The following CCDC43 variants were observed in gnomAD, a reference collection of about 807,000 sequenced individuals.
The protein encoded by CCDC43 is coiled-coil domain containing 43.
CCDC43 carries 20 observed loss-of-function variants against 33.3 expected under a neutral mutation model. That is an observed-to-expected ratio of 0.60 (90% CI 0.42 to 0.87). The LOEUF (loss-of-function observed/expected upper bound fraction) is 0.87, where lower values mean the gene tolerates loss of function less well. CCDC43 is among the 40% of genes least tolerant of loss of function. CCDC43 has a pLI of 0.00. For missense variants in CCDC43, 248 were observed against 269.9 expected (o/e 0.92, Z 0.57); for synonymous variants, 104 against 106.5 (o/e 0.98, Z 0.14).
intron 4 of CCDC43, 22 bp downstream of exon 4, chr17:44,680,563 A>G: frequency 8.9e-6 from 14 of 1,580,434 alleles, no homozygotes; most frequent in Non-Finnish European, 1.2e-5. Flanking sequence ...AGAAACACAT[A>G]GGGAGGGACC....
At chr17:44,683,172 T>A (rs754121108) in intron 2 of CCDC43, among the ~76,000 whole-genome samples, 1 of 152,196 alleles carries the variant, frequency 6.6e-6, no homozygotes, top group Non-Finnish European at 1.5e-5. Flanking sequence ...TTCTCTTCCA[T>A]TTTAAAGGGT....
intron 1 of CCDC43, among the ~76,000 whole-genome samples, chr17:44,686,562 C>T (rs1453595056): frequency 6.6e-6 from 1 of 152,230 alleles, no homozygotes; most frequent in Non-Finnish European, 1.5e-5. Context: ...TTTATTTCCT[C>T]AGTCTCCTCA....
intron 1 of CCDC43, chr17:44,687,702 C>CA (rs1972260843): frequency 6.6e-6 from 1 of 152,056 alleles, no homozygotes; most frequent in South Asian, 2.1e-4. Flanking sequence ...CAAGAAGTCT[C>CA]AAAGTTATTT....
Position 44,678,978 on chromosome 17 carries a change from G to A in CCDC43, c.553C>T (p.Arg185Trp), listed in dbSNP as rs772097897. 20 of 1,613,302 alleles carry A rather than the reference G, an allele frequency of 1.2e-5. No homozygotes were observed. The highest frequency in any genetic ancestry group is 5.5e-5 in the South Asian group (5 of 91,060). The change falls in exon 5 of 5, where the codon CGG becomes TGG. Residue 185 changes from arginine to tryptophan, a missense_variant. Physicochemically the swap from Arg to Trp is moderately radical, Grantham distance 101. Transcript: ENST00000315286. ...NARKLERDSL[R>W]DESQRKKEQD... ...TCCTTCTTCCTTTGGGATTCATCCC[G>A]AAGTGAGTCTCGCTCCAGTTTTCGG...
chr17:44,679,382 T>C (rs1159970508), intron 4 of CCDC43, among the ~76,000 whole-genome samples: 1 of 152,212 alleles, frequency 6.6e-6, no homozygotes, highest in Non-Finnish European at 1.5e-5. Context: ...TATCATTCAA[T>C]GGCAGAATAT....
In CCDC43 at chr17:44,677,683, AT is replaced by A. The variant is rs575405540; in HGVS notation, c.*1172del. ...ATATTTTAGATTTCACAGACCACAT[AT>A]TTTTTTCTTTTATAACTCTTTAAAA... On this transcript the variant is annotated 3_prime_UTR_variant, in exon 5 of 5. Coordinates refer to ENST00000315286, the MANE Select transcript of CCDC43 (RefSeq NM_144609.3). 1 of 152,098 alleles carries A rather than the reference AT, an allele frequency of 6.6e-6. No individual in the cohort carries two copies. The highest frequency in any genetic ancestry group is 6.6e-5 in the Admixed American group (1 of 15,260). The allele number at this position is 152,098 out of a possible 1,614,324, so 9.4% of individuals were successfully genotyped here.
chr17:44,687,051 G>A (rs1972246559), intron 1 of CCDC43, among the ~76,000 whole-genome samples: 1 of 152,150 alleles, frequency 6.6e-6, no homozygotes, highest in African/African-American at 2.4e-5. Flanking sequence ...CACTTTGGGA[G>A]GCCAAGGCAG....
Position 44,678,134 on chromosome 17 carries a change from T to A in CCDC43, c.*722A>T, listed in dbSNP as rs1403384146. The A allele has an allele frequency of 6.6e-6, 1 of 152,536 alleles. No homozygotes were observed. The highest frequency in any genetic ancestry group is 1.9e-4 in the East Asian group (1 of 5,198). The allele number at this position is 152,536 out of a possible 1,614,324, so 9.4% of individuals were successfully genotyped here. A position where few individuals can be genotyped will look rare whatever the true frequency, so the allele number is the denominator to read the frequency against. On this transcript the variant is annotated 3_prime_UTR_variant, in exon 5 of 5. Coordinates refer to ENST00000315286, the MANE Select transcript of CCDC43 (RefSeq NM_144609.3). ...TTTTATGGAAAAATCAGGATTAAAA[T>A]CTCTACCAGCACACAAGAGGATACA...
chr17:44,683,663 G>A (rs757211288), intron 2 of CCDC43, among the ~76,000 whole-genome samples: 1 of 152,106 alleles, frequency 6.6e-6, no homozygotes, highest in Non-Finnish European at 1.5e-5. Context: ...GAAGAAAACT[G>A]TGGTCAGTCG....
chr17:44,688,357 T>G (rs1972272690), intron 1 of CCDC43: 1 of 152,196 alleles, frequency 6.6e-6, no homozygotes, highest in Non-Finnish European at 1.5e-5. Context: ...CTTGCTATGT[T>G]GCCCAGTGTG....
At position 44,683,860 on chromosome 17, in the gene CCDC43, C is replaced by T; in HGVS notation, c.292+12G>A. On this transcript the variant is annotated intron_variant, in intron 2 of 4. Transcript: ENST00000315286. ...AGGCTCAGGAAGTTAAACACAGAAA[C>T]TCTGACTCTACCTTCTTTTTTCACT... is the stretch of plus-strand genomic sequence containing the variant. 6.3e-7 allele frequency: 1 copy of T among 1,592,898 alleles called. No individual in the cohort carries two copies. The highest frequency in any genetic ancestry group is 8.6e-7 in the Non-Finnish European group (1 of 1,160,832).
At chr17:44,685,324 T>C (rs1972218635) in intron 1 of CCDC43, among the ~76,000 whole-genome samples, 1 of 152,150 alleles carries the variant, frequency 6.6e-6, no homozygotes. Context: ...CTAGATCATA[T>C]CCATTAGCTT....
At chr17:44,682,725 G>A (rs1406707811) in intron 2 of CCDC43, among the ~76,000 whole-genome samples, 3 of 151,972 alleles carry the variant, frequency 2.0e-5, no homozygotes, top group Admixed American at 6.6e-5. Context: ...GCGTGGTGAC[G>A]GGCGCCTGTA....
At chr17:44,680,260 C>A (rs1324427591) in intron 4 of CCDC43, among the ~76,000 whole-genome samples, 1 of 152,160 alleles carries the variant, frequency 6.6e-6, no homozygotes, top group Non-Finnish European at 1.5e-5. Context: ...AGTGCCAGGA[C>A]TACAGGTGTA....
chr17:44,684,689 T>C (rs905902405), intron 1 of CCDC43, among the ~76,000 whole-genome samples: 1 of 150,846 alleles, frequency 6.6e-6, no homozygotes, highest in South Asian at 2.1e-4. Flanking sequence ...GGGAGAGAAA[T>C]TGTCTCAAAA....
At chr17:44,683,819 T>A (rs1972195993) in intron 2 of CCDC43, 53 bp downstream of exon 2, 4 of 1,252,578 alleles carry the variant, frequency 3.2e-6, no homozygotes, top group Non-Finnish European at 3.5e-6. Flanking sequence ...AGCTATACAG[T>A]CAAGGCTGCT....
intron 1 of CCDC43, among the ~76,000 whole-genome samples, chr17:44,685,944 C>T (rs565643160): frequency 1.5e-4 from 23 of 151,938 alleles, no homozygotes; most frequent in African/African-American, 4.6e-4. Flanking sequence ...GACGGAGTCT[C>T]GCTCTGTTGC....
chr17:44,682,453 C>A (rs1972177532), intron 2 of CCDC43, among the ~76,000 whole-genome samples: 1 of 151,166 alleles, frequency 6.6e-6, no homozygotes, highest in Non-Finnish European at 1.5e-5. Flanking sequence ...AAAACTAAGC[C>A]TCTGAACACT....
chr17:44,684,778 AT>A (rs1972210973), intron 1 of CCDC43, among the ~76,000 whole-genome samples: 1 of 151,902 alleles, frequency 6.6e-6, no homozygotes, highest in African/African-American at 2.4e-5. Context: ...ATTATTATTT[AT>A]TTATTATTAT....
Sources: gnomAD v4.1 joint callset for allele counts (sites outside exome capture counted in the v4.1 genomes callset) on GRCh38, gnomAD v4.1.1 for gene constraint, MANE v1.5 for transcripts, NCBI Gene and HGNC (gene_info 2026-07-23, HGNC 2026-07-21) for gene names.